Variants in RAD51B observed in about 807,000 individuals in gnomAD.
RAD51B encodes RAD51 paralog B.
Under a neutral mutation model 42.2 loss-of-function variants are expected in RAD51B, and 38 were observed. That is an observed-to-expected ratio of 0.90 (90% CI 0.70 to 1.18). The LOEUF (loss-of-function observed/expected upper bound fraction) is 1.18. RAD51B is among the 50% of genes most tolerant of loss of function. The pLI is 0.00. For missense variants in RAD51B, 373 were observed against 400.7 expected, an observed-to-expected ratio of 0.93 and a Z score of 0.59; for synonymous variants, 154 against 145.2, an observed-to-expected ratio of 1.06 and a Z score of -0.43.
chr14:68,172,101 A>G (rs530265174), intron 7 of RAD51B, among the ~76,000 whole-genome samples: 74 of 152,208 alleles, frequency 4.9e-4, no homozygotes, highest in Non-Finnish European at 1.0e-3. Flanking sequence ...CCACCAGTCA[A>G]TTTTAATACA....
intron 9 of RAD51B, among the ~76,000 whole-genome samples, chr14:68,438,907 G>C (rs1412686904): frequency 5.9e-5 from 9 of 152,116 alleles, no homozygotes; most frequent in African/African-American, 1.7e-4. Flanking sequence ...ACCAGTACAG[G>C]CTTCAAAGTT....
intron 7 of RAD51B, among the ~76,000 whole-genome samples, chr14:68,046,008 G>C (rs8006492): frequency 0.27 from 41,755 of 152,048 alleles, 7,489 homozygotes; most frequent in African/African-American, 0.51. Flanking sequence ...CTGCTGCCAC[G>C]GCCCTGGCTC....
chr14:68,379,733 T>C (rs2083442383), intron 8 of RAD51B, among the ~76,000 whole-genome samples: 1 of 152,224 alleles, frequency 6.6e-6, no homozygotes, highest in African/African-American at 2.4e-5. Context: ...TCCCATAGTA[T>C]GGTTTGGCTA....
intron 7 of RAD51B, among the ~76,000 whole-genome samples, chr14:67,909,567 A>C (rs2043895602): frequency 6.6e-6 from 1 of 152,240 alleles, no homozygotes. Flanking sequence ...CCTAAGTATC[A>C]GAGGAGTTTG....
chr14:67,858,576 A>G lies in RAD51B; in HGVS notation c.316-6427A>G, dbSNP rs181398963. On this transcript the variant is annotated intron_variant, in intron 4 of 10. Coordinates refer to ENST00000471583, the MANE Select transcript of RAD51B (RefSeq NM_133510.4). ...CAAAGACACCACTCAAAGGTGGGCG[A>G]GACAGTGTGGAAAACGAATTAGGAA... Among the ~76,000 whole-genome samples the G allele has an allele frequency of 2.0e-5, 3 of 152,322 alleles. No homozygotes were observed. The East Asian group carries it at 5.8e-4, about 29-fold the overall frequency.
chr14:68,666,146 T>A (rs1318019380), intron 11 of RAD51B, among the ~76,000 whole-genome samples: 2 of 152,112 alleles, frequency 1.3e-5, no homozygotes, highest in African/African-American at 4.8e-5. Flanking sequence ...GAGATTTTTC[T>A]GTCACATGAA....
At position 68,109,700 on chromosome 14, in the gene RAD51B, T is replaced by C. The variant is rs73286246; in HGVS notation, c.757-182184T>C. 7.5e-3 allele frequency among the ~76,000 whole-genome samples: 1,142 copies of C among 152,088 alleles called. 14 individuals are homozygous for C. The highest frequency in any genetic ancestry group is 0.027 in the African/African-American group (1,107 of 41,518). The stretch of plus-strand genomic sequence containing the variant: ...GGAGCCATGGTTCTGAATGTGGTGA[T>C]TGGCCCAGGCATTCTTGCTAGTGAT... On this transcript the variant is annotated intron_variant, in intron 7 of 10. Coordinates refer to ENST00000471583, the MANE Select transcript of RAD51B (RefSeq NM_133510.4).
chr14:68,160,739 T>C (rs918983176), intron 7 of RAD51B, among the ~76,000 whole-genome samples: 2 of 152,194 alleles, frequency 1.3e-5, no homozygotes, highest in South Asian at 4.1e-4. Context: ...TTTAATCTAC[T>C]AAATCCCTTT....
chr14:68,549,409 A>ATTTTTTTTTTTTTTTTTTTTTTTT (rs71129897), intron 10 of RAD51B, among the ~76,000 whole-genome samples: 25 of 63,562 alleles, frequency 3.9e-4, no homozygotes, highest in Non-Finnish European at 5.6e-4. Context: ...CCCTGGACAC[A>ATTTTTTTTTTTTTTTTTTTTTTTT]TTTTTTTTTT....
At chr14:68,460,457 A>C (rs1168507448) in intron 9 of RAD51B, among the ~76,000 whole-genome samples, 2 of 152,082 alleles carry the variant, frequency 1.3e-5, no homozygotes, top group Admixed American at 1.3e-4. Flanking sequence ...CCATCTCAAA[A>C]AAACAAACAA....
chr14:68,357,718 A>T (rs1305423129), intron 8 of RAD51B, among the ~76,000 whole-genome samples: 1 of 152,104 alleles, frequency 6.6e-6, no homozygotes, highest in Non-Finnish European at 1.5e-5. Flanking sequence ...GTCAGTGAGT[A>T]GTACTATTTT....
intron 10 of RAD51B, among the ~76,000 whole-genome samples, chr14:68,526,053 T>C (rs918697522): frequency 5.3e-5 from 8 of 152,234 alleles, no homozygotes; most frequent in Non-Finnish European, 1.2e-4. Context: ...TTGGTTACCA[T>C]CATAGCGCCT....
chr14:67,979,249 A>AC (rs1469138811), intron 7 of RAD51B, among the ~76,000 whole-genome samples: 1 of 152,250 alleles, frequency 6.6e-6, no homozygotes, highest in Non-Finnish European at 1.5e-5. Flanking sequence ...ATGTGTATAT[A>AC]GTTTTAAAAT....
chr14:68,456,961 G>A (rs1014432959), intron 9 of RAD51B, among the ~76,000 whole-genome samples: 5 of 124,232 alleles, frequency 4.0e-5, no homozygotes, highest in Non-Finnish European at 4.7e-5. Flanking sequence ...CACCCAGGCT[G>A]GAGTGCAGTA....
chr14:68,374,404 G>T (rs1249308442), intron 8 of RAD51B, among the ~76,000 whole-genome samples: 1 of 152,208 alleles, frequency 6.6e-6, no homozygotes, highest in Non-Finnish European at 1.5e-5. Flanking sequence ...AATCAGTGAA[G>T]GCATGCATGT....
At chr14:67,933,254 C>T (rs571185219) in intron 7 of RAD51B, among the ~76,000 whole-genome samples, 36 of 152,312 alleles carry the variant, frequency 2.4e-4, no homozygotes, top group Non-Finnish European at 5.0e-4. Flanking sequence ...ACTGGGGACC[C>T]TGGAGCACCT....
intron 7 of RAD51B, among the ~76,000 whole-genome samples, chr14:68,208,677 A>T (rs962709197): frequency 6.6e-6 from 1 of 152,198 alleles, no homozygotes; most frequent in Non-Finnish European, 1.5e-5. Context: ...AGGCTCAGAG[A>T]GATAAAATGT....
chr14:68,336,516 G>A (rs1327012721), intron 8 of RAD51B, among the ~76,000 whole-genome samples: 1 of 152,174 alleles, frequency 6.6e-6, no homozygotes. Flanking sequence ...GAGTCCCTGG[G>A]GGTGTTACTG....
chr14:68,669,838 C>T lies in RAD51B; in HGVS notation c.*11+18982C>T, dbSNP rs1547010. On this transcript the variant is annotated intron_variant, in intron 11 of 11. Coordinates refer to the RAD51B transcript ENST00000488612. ...TGGGCCTTGCTGGCAGCTGTGCTGC[C>T]GGGTCACTGTGGGAGATGAGACAAG... Among the ~76,000 whole-genome samples, 209 of 152,284 alleles carry T rather than the reference C, an allele frequency of 1.4e-3. 1 individual carries two copies. Among genetic ancestry groups the T allele is most frequent in the African/African-American group, 4.6e-3 (192 of 41,548 alleles).
Sources: gnomAD v4.1 joint callset for allele counts (sites outside exome capture counted in the v4.1 genomes callset) on GRCh38, gnomAD v4.1.1 for gene constraint, MANE v1.5 for transcripts, NCBI Gene and HGNC (gene_info 2026-07-23, HGNC 2026-07-21) for gene names.